The following FGF14 variants were observed in gnomAD, a reference collection of about 807,000 sequenced individuals.
FGF14 encodes fibroblast growth factor 14, also known as fibroblast growth factor homologous factor 4.
A neutral mutation model predicts 25.5 loss-of-function variants in FGF14; 5 were observed. That is an observed-to-expected ratio of 0.20 (90% CI 0.10 to 0.41). The LOEUF (loss-of-function observed/expected upper bound fraction) is 0.41, where lower values mean the gene tolerates loss of function less well. FGF14 is among the 10% of genes least tolerant of loss of function. The pLI is 1.00. For synonymous variants in FGF14, 138 were observed against 118.3 expected, an observed-to-expected ratio of 1.17 and a Z score of -1.08; for missense variants, 222 against 320.1, an observed-to-expected ratio of 0.69 and a Z score of 2.34.
chr13:101,856,413 T>G (rs2044130316), intron 3 of FGF14, among the ~76,000 whole-genome samples: 1 of 151,916 alleles, frequency 6.6e-6, no homozygotes, highest in East Asian at 1.9e-4. Flanking sequence ...AGGAAGAATT[T>G]TATTCAATAA....
chr13:101,886,448 G>A (rs539857744), intron 1 of FGF14, among the ~76,000 whole-genome samples: 1 of 152,188 alleles, frequency 6.6e-6, no homozygotes, highest in East Asian at 1.9e-4. Flanking sequence ...TGGGGAAAAG[G>A]ACACTTTCTT....
intron 1 of FGF14, among the ~76,000 whole-genome samples, chr13:102,041,095 TTACA>T (rs1381646034): frequency 2.6e-5 from 4 of 151,960 alleles, no homozygotes; most frequent in Non-Finnish European, 4.4e-5. Context: ...GTCCCTCCTT[TTACA>T]AACAAATATT....
chr13:102,396,256 G>A (rs1406060346), intron 1 of FGF14, among the ~76,000 whole-genome samples: 1 of 152,132 alleles, frequency 6.6e-6, no homozygotes, highest in Admixed American at 6.5e-5. Context: ...ACTGAGTTGG[G>A]CTCAAAGGTT....
At chr13:102,105,902 C>T (rs758993204) in intron 1 of FGF14, among the ~76,000 whole-genome samples, 7 of 152,108 alleles carry the variant, frequency 4.6e-5, no homozygotes, top group Non-Finnish European at 8.8e-5. Context: ...TAATTATTAT[C>T]AATTGCCAAC....
chr13:102,223,839 G>A (rs2050719649), intron 1 of FGF14, among the ~76,000 whole-genome samples: 1 of 152,088 alleles, frequency 6.6e-6, no homozygotes. Flanking sequence ...CTCCAGCCTG[G>A]ATGACAGAGC....
At chr13:102,161,622 G>GAAGAAGAAC (rs2047700168) in intron 1 of FGF14, among the ~76,000 whole-genome samples, 3 of 5,042 alleles carry the variant, frequency 6.0e-4, no homozygotes, top group Non-Finnish European at 3.4e-4. Flanking sequence ...AGAAGAAGAA[G>GAAGAAGAAC]AAGAAGAAGA....
intron 1 of FGF14, among the ~76,000 whole-genome samples, chr13:102,308,839 G>T (rs2055551198): frequency 6.7e-6 from 1 of 149,566 alleles, no homozygotes; most frequent in Non-Finnish European, 1.5e-5. Flanking sequence ...GGTACCTGGG[G>T]TGTTATTGGG....
At chr13:101,729,032 G>A (rs765093712) in intron 3 of FGF14, among the ~76,000 whole-genome samples, 2 of 151,932 alleles carry the variant, frequency 1.3e-5, no homozygotes, top group Non-Finnish European at 2.9e-5. Context: ...ATTTATTCTC[G>A]GTGGATACCT....
At chr13:101,916,983 C>A (rs1441800342), upstream of FGF14, among the ~76,000 whole-genome samples, 1 of 151,604 alleles carries the variant, frequency 6.6e-6, no homozygotes, top group Non-Finnish European at 1.5e-5. Flanking sequence ...GGAACCCCGG[C>A]GGGGGTCGCC....
At chr13:102,022,580 G>A (rs1041560212) in intron 1 of FGF14, among the ~76,000 whole-genome samples, 2 of 152,168 alleles carry the variant, frequency 1.3e-5, no homozygotes, top group Middle Eastern at 3.4e-3. Flanking sequence ...AGGGATGCCA[G>A]AGAACATAAA....
At position 102,110,605 on chromosome 13, in the gene FGF14, T is replaced by A. The variant is rs182740934; in HGVS notation, c.209-235309A>T. 4.7e-4 allele frequency among the ~76,000 whole-genome samples: 71 copies of A among 152,294 alleles called. 2 individuals are homozygous for A. In the East Asian group the frequency reaches 0.011, roughly 24 times the overall value. ...CACATGTTTCACAGAGCCACAGATATTTTCTAACCAGCATTTACAGAACAA... is the reference window on the plus strand; with the variant it reads ...CACATGTTTCACAGAGCCACAGATAATTTCTAACCAGCATTTACAGAACAA... On this transcript the variant is annotated intron_variant, in intron 1 of 4. Coordinates refer to the FGF14 transcript ENST00000376131.
intron 1 of FGF14, among the ~76,000 whole-genome samples, chr13:101,970,998 C>T (rs567714558): frequency 3.9e-5 from 6 of 152,122 alleles, no homozygotes; most frequent in Non-Finnish European, 7.3e-5. Context: ...TATGCATATG[C>T]ACATAGTTTA....
At chr13:101,927,331 T>C (rs746236134) in intron 1 of FGF14, among the ~76,000 whole-genome samples, 5 of 152,142 alleles carry the variant, frequency 3.3e-5, no homozygotes, top group Non-Finnish European at 7.4e-5. Context: ...GGATAAACTG[T>C]CCAAACACAA....
intron 3 of FGF14, among the ~76,000 whole-genome samples, chr13:101,809,162 G>A (rs199524253): frequency 2.2e-4 from 2 of 9,154 alleles, no homozygotes; most frequent in African/African-American, 3.3e-4. Context: ...AAATTTTCCC[G>A]TTTTATGTTT....
chr13:102,401,425 C>T (rs752400151), intron 1 of FGF14: 2 of 1,564,928 alleles, frequency 1.3e-6, no homozygotes, highest in South Asian at 1.1e-5. Context: ...GAGCAACAGA[C>T]AGGTTATTAT....
At chr13:101,826,965 A>G (rs72662404) in intron 3 of FGF14, among the ~76,000 whole-genome samples, 9,680 of 152,044 alleles carry the variant, frequency 0.064, 441 homozygotes, top group Non-Finnish European at 0.086. Flanking sequence ...CTATAGGTAC[A>G]GAGGTAACAT....
At chr13:101,859,515 G>C (rs2044299572) in intron 3 of FGF14, among the ~76,000 whole-genome samples, 1 of 152,070 alleles carries the variant, frequency 6.6e-6, no homozygotes, top group Non-Finnish European at 1.5e-5. Flanking sequence ...TTTGCTGAAA[G>C]AGCAAATAAA....
intron 1 of FGF14, among the ~76,000 whole-genome samples, chr13:102,047,996 C>T (rs545377869): frequency 1.7e-4 from 25 of 150,806 alleles, no homozygotes; most frequent in Non-Finnish European, 3.4e-4. Context: ...CTTTCTAAGC[C>T]CGGTTTATTA....
chr13:102,239,260 T>C (rs1302606094), intron 1 of FGF14, among the ~76,000 whole-genome samples: 1 of 152,216 alleles, frequency 6.6e-6, no homozygotes, highest in Non-Finnish European at 1.5e-5. Flanking sequence ...TTGGGGTTTA[T>C]ATTGCTTGTT....
Sources: gnomAD v4.1 joint callset for allele counts (sites outside exome capture counted in the v4.1 genomes callset) on GRCh38, gnomAD v4.1.1 for gene constraint, MANE v1.5 for transcripts, NCBI Gene and HGNC (gene_info 2026-07-23, HGNC 2026-07-21) for gene names.